Variants in NREP observed in about 807,000 individuals in gnomAD.
NREP encodes neuronal regeneration related protein.
A neutral mutation model predicts 8.6 loss-of-function variants in NREP; 5 were observed. That is an observed-to-expected ratio of 0.58 (90% CI 0.30 to 1.22). The LOEUF (loss-of-function observed/expected upper bound fraction) is 1.22. NREP is among the 50% of genes most tolerant of loss of function. The probability of loss-of-function intolerance (pLI) is 0.07; values close to 1 mark genes in which losing one functional copy is unlikely to be tolerated. For synonymous variants in NREP, 27 were observed against 28.0 expected (o/e 0.96, Z 0.11); for missense variants, 86 against 82.5 (o/e 1.04, Z -0.17).
At chr5:111,739,562 C>T (rs1043244486) in intron 2 of NREP, 2 of 152,174 alleles carry the variant, frequency 1.3e-5, no homozygotes, top group African/African-American at 4.8e-5. Context: ...TAGAGTCCAT[C>T]TGTGCTTGCT....
At chr5:111,905,461 A>G (rs1754758371) in intron 2 of NREP, among the ~76,000 whole-genome samples, 1 of 152,166 alleles carries the variant, frequency 6.6e-6, no homozygotes, top group African/African-American at 2.4e-5. Flanking sequence ...AAACAGTTAA[A>G]CCAATAACAT....
At chr5:111,965,469 T>C (rs1388793025) in intron 2 of NREP, among the ~76,000 whole-genome samples, 1 of 152,090 alleles carries the variant, frequency 6.6e-6, no homozygotes, top group Non-Finnish European at 1.5e-5. Context: ...AAAAATGAAA[T>C]ATCTAACATA....
intron 2 of NREP, among the ~76,000 whole-genome samples, chr5:111,808,002 G>A (rs1298831823): frequency 2.0e-5 from 3 of 152,112 alleles, no homozygotes; most frequent in Non-Finnish European, 4.4e-5. Flanking sequence ...CTTTCTGTGG[G>A]GGAAGCACAG....
intron 2 of NREP, among the ~76,000 whole-genome samples, chr5:111,796,166 A>G (rs1751869092): frequency 6.6e-6 from 1 of 151,144 alleles, no homozygotes; most frequent in Non-Finnish European, 1.5e-5. Context: ...TTGGCTGGTG[A>G]CTCCTTCCTC....
intron 2 of NREP, among the ~76,000 whole-genome samples, chr5:111,745,038 A>C (rs1749916596): frequency 6.6e-6 from 1 of 152,150 alleles, no homozygotes; most frequent in African/African-American, 2.4e-5. Context: ...TCGGGAACCC[A>C]CAGTTTTCTG....
At chr5:111,963,254 T>TGCTCACGTACTCCCTC (rs1325072001) in intron 2 of NREP, among the ~76,000 whole-genome samples, 15 of 152,240 alleles carry the variant, frequency 9.9e-5, no homozygotes, top group Admixed American at 4.6e-4. Flanking sequence ...CATACTCGCT[T>TGCTCACGTACTCCCTC]GCTCACGTAC....
chr5:111,824,226 T>C (rs1337519845), intron 2 of NREP, among the ~76,000 whole-genome samples: 1 of 151,948 alleles, frequency 6.6e-6, no homozygotes, highest in South Asian at 2.1e-4. Context: ...AAAATTAGCC[T>C]GGCGTAGTGG....
chr5:111,776,540 A>G (rs1354798616), intron 2 of NREP, among the ~76,000 whole-genome samples: 1 of 152,218 alleles, frequency 6.6e-6, no homozygotes, highest in Admixed American at 6.5e-5. Flanking sequence ...TTTTTTCAAA[A>G]TAGCCCTTAA....
At chr5:111,921,794 G>A (rs966159041) in intron 2 of NREP, among the ~76,000 whole-genome samples, 2 of 152,132 alleles carry the variant, frequency 1.3e-5, no homozygotes, top group African/African-American at 2.4e-5. Context: ...GGGACCCGGA[G>A]GGAGGTAGGT....
chr5:111,757,580 T>C, upstream of NREP: 1 of 984,240 alleles, frequency 1.0e-6, no homozygotes, highest in South Asian at 4.7e-5. Flanking sequence ...AATCGGCGGC[T>C]CTGGGCCCCG....
intron 2 of NREP, among the ~76,000 whole-genome samples, chr5:111,927,363 G>T (rs939651620): frequency 2.8e-4 from 43 of 152,058 alleles, no homozygotes; most frequent in African/African-American, 1.0e-3. Flanking sequence ...ATCCAAAAAA[G>T]AATGACCAGT....
intron 2 of NREP, among the ~76,000 whole-genome samples, chr5:111,894,015 C>T (rs980985514): frequency 6.6e-6 from 1 of 151,980 alleles, no homozygotes; most frequent in Non-Finnish European, 1.5e-5. Flanking sequence ...GTCAGGAGTT[C>T]AAGACTAGCC....
intron 2 of NREP, among the ~76,000 whole-genome samples, chr5:111,926,765 G>C (rs1048574582): frequency 6.6e-6 from 1 of 151,904 alleles, no homozygotes; most frequent in Non-Finnish European, 1.5e-5. Flanking sequence ...AGTAACCCAG[G>C]TGTAGAGGAA....
chr5:111,880,793 G>A (rs1205137561), intron 2 of NREP, among the ~76,000 whole-genome samples: 1 of 141,442 alleles, frequency 7.1e-6, no homozygotes, highest in Non-Finnish European at 1.5e-5. Flanking sequence ...CTGGAGTGCA[G>A]TGCCGTGATC....
intron 2 of NREP, among the ~76,000 whole-genome samples, chr5:111,828,189 C>G (rs1260821644): frequency 6.6e-6 from 1 of 152,096 alleles, no homozygotes; most frequent in African/African-American, 2.4e-5. Flanking sequence ...TGCCATCATG[C>G]CCAGCTAATT....
intron 2 of NREP, among the ~76,000 whole-genome samples, chr5:111,865,871 T>C (rs1238274790): frequency 6.6e-6 from 1 of 152,180 alleles, no homozygotes; most frequent in Non-Finnish European, 1.5e-5. Flanking sequence ...GCAACTTTGA[T>C]CAAAACTACA....
chr5:111,887,987 T>C (rs1754302674), intron 2 of NREP, among the ~76,000 whole-genome samples: 1 of 152,190 alleles, frequency 6.6e-6, no homozygotes, highest in South Asian at 2.1e-4. Flanking sequence ...GTCAAATGAA[T>C]TACTAAAATG....
chr5:111,786,046 G>T (rs1212344936), intron 2 of NREP, among the ~76,000 whole-genome samples: 1 of 152,186 alleles, frequency 6.6e-6, no homozygotes, highest in Non-Finnish European at 1.5e-5. Flanking sequence ...TTCCTCAAAA[G>T]CAGCCTCTTT....
intron 2 of NREP, among the ~76,000 whole-genome samples, chr5:111,881,712 G>C (rs74873490): frequency 1.3e-5 from 2 of 152,066 alleles, no homozygotes; most frequent in African/African-American, 2.4e-5. Context: ...CAGATACCCC[G>C]GCAAACAGGG....
Sources: allele counts gnomAD v4.1 joint callset (sites outside exome capture counted in the v4.1 genomes callset), GRCh38; gene constraint gnomAD v4.1.1; transcripts MANE v1.5; gene names NCBI Gene and HGNC (gene_info 2026-07-23, HGNC 2026-07-21).